The following ANKRD62 variants were observed in gnomAD, a reference collection of about 807,000 sequenced individuals.
ANKRD62 encodes ankyrin repeat domain-containing protein 62.
Under a neutral mutation model 98.8 loss-of-function variants are expected in ANKRD62, and 61 were observed. The observed-to-expected ratio is 0.62, with a 90% CI of 0.50 to 0.76. The LOEUF is 0.76. ANKRD62 is among the 30% of genes least tolerant of loss of function. The pLI, the probability that ANKRD62 is intolerant of heterozygous loss-of-function variation, is 0.00. For missense variants in ANKRD62, 933 were observed against 1,082.9 expected (o/e 0.86, Z 1.94); for synonymous variants, 341 against 367.9 (o/e 0.93, Z 0.84).
chr18:12,135,534 T>A, the ANKRD62 span, among the ~76,000 whole-genome samples: 2 of 151,516 alleles, frequency 1.3e-5, no homozygotes, highest in Non-Finnish European at 2.9e-5. Context: ...GCAGCATGAT[T>A]TATCGTCCTT....
chr18:12,103,035 C>A, intron 6 of ANKRD62, 123 bp from the exon 7 acceptor site: 1 of 734,850 alleles, frequency 1.4e-6, no homozygotes, highest in South Asian at 5.7e-5. Flanking sequence ...AAAGATTAAG[C>A]TTCATTAAAA....
At chr18:12,159,529 A>G in the ANKRD62 span, among the ~76,000 whole-genome samples, 1 of 152,244 alleles carries the variant, frequency 6.6e-6, no homozygotes, top group African/African-American at 2.4e-5. Flanking sequence ...GGAAATAACT[A>G]ATCTGCAAAT....
At chr18:12,180,868 T>C in the ANKRD62 span, among the ~76,000 whole-genome samples, 2 of 148,620 alleles carry the variant, frequency 1.3e-5, 1 homozygote, top group South Asian at 4.3e-4. Flanking sequence ...TATATATACA[T>C]GTGCCATGTT....
Position 12,117,558 on chromosome 18 carries a change from T to C in ANKRD62, c.1240+2024T>C, listed in dbSNP as rs62097602. ...GTTGTTCTTTATCTTCTGGAGAACA[T>C]ATTCAGTTTTTCACCATGATACATG... On this transcript the variant is annotated intron_variant, in intron 10 of 13. Coordinates refer to ENST00000587848, the MANE Select transcript of ANKRD62 (RefSeq NM_001277333.2). Among the ~76,000 whole-genome samples, 300 of 152,342 alleles carry C rather than the reference T, an allele frequency of 2.0e-3. 1 individual carries two copies. The highest frequency in any genetic ancestry group is 3.6e-3 in the Non-Finnish European group (246 of 68,028).
chr18:12,111,971 G>A (rs912252237), intron 8 of ANKRD62, among the ~76,000 whole-genome samples: 13 of 152,040 alleles, frequency 8.6e-5, no homozygotes, highest in Middle Eastern at 3.4e-3. Flanking sequence ...TTAGCCGGGC[G>A]TGGTGGCAGG....
At chr18:12,118,897 A>T (rs1037829330) in intron 10 of ANKRD62, among the ~76,000 whole-genome samples, 2 of 152,166 alleles carry the variant, frequency 1.3e-5, no homozygotes, top group African/African-American at 4.8e-5. Flanking sequence ...GGTAATGCTA[A>T]CATTAAAGAG....
chr18:12,132,154 T>C (rs1374412976), downstream of ANKRD62, among the ~76,000 whole-genome samples: 2 of 152,192 alleles, frequency 1.3e-5, no homozygotes, highest in African/African-American at 4.8e-5. Flanking sequence ...GTGTCAGATA[T>C]ATTCCCAAGA....
the ANKRD62 span, among the ~76,000 whole-genome samples, chr18:12,175,682 G>T: frequency 6.6e-6 from 1 of 151,998 alleles, no homozygotes; most frequent in Middle Eastern, 3.2e-3. Flanking sequence ...AGGACTTTCA[G>T]ATTGTAAAGT....
chr18:12,139,656 A>AAAT, the ANKRD62 span, among the ~76,000 whole-genome samples: 1 of 151,824 alleles, frequency 6.6e-6, no homozygotes, highest in Non-Finnish European at 1.5e-5. Flanking sequence ...AAAAAAAAAA[A>AAAT]GAATGTTGAG....
At chr18:12,108,869 T>C (rs1909473699) in intron 8 of ANKRD62, among the ~76,000 whole-genome samples, 1 of 152,158 alleles carries the variant, frequency 6.6e-6, no homozygotes, top group East Asian at 1.9e-4. Context: ...ATCTTAAAGC[T>C]CCTAAATGAT....
chr18:12,131,946 C>T (rs1910012109), downstream of ANKRD62, among the ~76,000 whole-genome samples: 1 of 152,034 alleles, frequency 6.6e-6, no homozygotes, highest in African/African-American at 2.4e-5. Flanking sequence ...GTGTCATCTA[C>T]ATGCCATGAG....
chr18:12,162,222 G>T, the ANKRD62 span, among the ~76,000 whole-genome samples: 2 of 152,170 alleles, frequency 1.3e-5, no homozygotes, highest in Non-Finnish European at 2.9e-5. Flanking sequence ...TTTAACTGGG[G>T]TGAGATGATA....
the ANKRD62 span, among the ~76,000 whole-genome samples, chr18:12,162,199 G>T: frequency 1.3e-5 from 2 of 151,998 alleles, no homozygotes; most frequent in South Asian, 4.2e-4. Flanking sequence ...CCTGTTCTTT[G>T]GATAAAAGCC....
Position 12,126,364 on chromosome 18 carries a change from A to C in ANKRD62, c.2543A>C (p.Lys848Thr). 1 of 1,509,272 alleles carries C rather than the reference A, an allele frequency of 6.6e-7. No homozygotes were observed. Among genetic ancestry groups the C allele is most frequent in the East Asian group, 2.4e-5 (1 of 40,836 alleles). The allele number at this position is 1,509,272 out of a possible 1,614,324, so 93.5% of individuals were successfully genotyped here. ...LLKERQCQYE[K>T]EKEEREVVRR... The stretch of plus-strand genomic sequence containing the variant: ...AAAGAAAGACAATGCCAATATGAAA[A>C]AGAGAAAGAAGAAAGAGAAGTAAGT... The change falls in exon 13 of 14, where the codon AAA (lysine) becomes ACA (threonine). Residue 848 changes from lysine (K) to threonine (T), a missense_variant. Around this residue, in one of 3 missense-constraint regions of ANKRD62, gnomAD observed 362 missense variants for 434.5 expected, o/e 0.83. Transcript: ENST00000587848.
At chr18:12,103,896 A>G (rs983968143) in intron 7 of ANKRD62, among the ~76,000 whole-genome samples, 2 of 152,156 alleles carry the variant, frequency 1.3e-5, no homozygotes, top group South Asian at 2.1e-4. Context: ...ACTTAAGCCT[A>G]TAGTTTATAT....
chr18:12,102,481 GA>G, intron 6 of ANKRD62: 1 of 411,188 alleles, frequency 2.4e-6, no homozygotes. Flanking sequence ...TCTCATTCCT[GA>G]AAACTCAAGG....
chr18:12,159,535 CA>C, the ANKRD62 span, among the ~76,000 whole-genome samples: 1 of 152,186 alleles, frequency 6.6e-6, no homozygotes, highest in Non-Finnish European at 1.5e-5. Flanking sequence ...AACTAATCTG[CA>C]AATTGTCCAA....
chr18:12,109,913 C>T (rs1051805455), intron 8 of ANKRD62, among the ~76,000 whole-genome samples: 3 of 139,304 alleles, frequency 2.2e-5, no homozygotes, highest in East Asian at 2.2e-4. Context: ...GAATAGGTTT[C>T]GTTGTCATTC....
chr18:12,097,990 A>G (rs1265353449), intron 5 of ANKRD62, among the ~76,000 whole-genome samples: 4 of 152,266 alleles, frequency 2.6e-5, no homozygotes, highest in Admixed American at 6.5e-5. Flanking sequence ...GTCTCTTAAG[A>G]CTTCTATGCT....
Sources: gnomAD v4.1 joint callset for allele counts (sites outside exome capture counted in the v4.1 genomes callset) on GRCh38, gnomAD v4.1.1 for gene constraint, gnomAD v4.1.1 regional missense constraint, MANE v1.5 for transcripts, NCBI Gene and HGNC (gene_info 2026-07-23, HGNC 2026-07-21) for gene names.